PTGER3: variants seen among roughly 807,000 people sequenced by gnomAD.
PTGER3 encodes prostaglandin E receptor 3.
A neutral mutation model predicts 34.7 loss-of-function variants in PTGER3; 22 were observed. The ratio of observed to expected loss-of-function variants is 0.63; its 90% CI spans 0.45 to 0.91. The LOEUF is 0.91. Among genes scored for constraint, PTGER3 ranks in the 40% least tolerant of loss-of-function variants. The pLI is 0.00. For synonymous variants in PTGER3, 241 were observed against 230.1 expected, an observed-to-expected ratio of 1.05 and a Z score of -0.43; for missense variants, 468 against 519.4, an observed-to-expected ratio of 0.90 and a Z score of 0.96.
chr1:70,990,343 C>T (rs979296012), intron 2 of PTGER3, among the ~76,000 whole-genome samples: 41 of 125,216 alleles, frequency 3.3e-4, no homozygotes, highest in African/African-American at 1.1e-3. Flanking sequence ...GGCGACAGAA[C>T]GAGACTGTCT....
chr1:70,926,676 T>C (rs1396096486), intron 4 of PTGER3, among the ~76,000 whole-genome samples: 1 of 151,936 alleles, frequency 6.6e-6, no homozygotes, highest in Non-Finnish European at 1.5e-5. Context: ...CTTTATTTCC[T>C]TCTCCTGACT....
At chr1:71,004,593 A>T (rs1020589124) in intron 2 of PTGER3, among the ~76,000 whole-genome samples, 2 of 152,256 alleles carry the variant, frequency 1.3e-5, no homozygotes, top group African/African-American at 4.8e-5. Flanking sequence ...AATTGTCTGG[A>T]AATGTGTACT....
At chr1:70,869,219 C>T (rs925801101) in intron 4 of PTGER3, 3 of 464,384 alleles carry the variant, frequency 6.5e-6, no homozygotes, top group Admixed American at 4.8e-5. Flanking sequence ...TTTACAACAA[C>T]CAAATTTTGC....
chr1:70,886,625 C>G, intron 4 of PTGER3, among the ~76,000 whole-genome samples: 1 of 152,216 alleles, frequency 6.6e-6, no homozygotes, highest in Non-Finnish European at 1.5e-5. Flanking sequence ...TCTCTTCACT[C>G]CCACATCACT....
intron 4 of PTGER3, among the ~76,000 whole-genome samples, chr1:70,899,436 A>G (rs58659672): frequency 0.13 from 20,441 of 152,166 alleles, 2,826 homozygotes; most frequent in East Asian, 0.43. Flanking sequence ...GATCAGCCTT[A>G]GAAGAGGAGA....
At chr1:70,941,678 C>T (rs1438034846) in intron 4 of PTGER3, among the ~76,000 whole-genome samples, 1 of 152,148 alleles carries the variant, frequency 6.6e-6, no homozygotes. Flanking sequence ...GAATTTTCCT[C>T]TTCTTCCCCT....
intron 2 of PTGER3, chr1:71,009,819 A>T: frequency 1.0e-6 from 1 of 985,214 alleles, no homozygotes; most frequent in Non-Finnish European, 1.2e-6. Flanking sequence ...ATAAAATTAA[A>T]CTTAGACACG....
intron 1 of PTGER3, among the ~76,000 whole-genome samples, chr1:71,034,651 G>A (rs1659674251): frequency 6.6e-6 from 1 of 152,202 alleles, no homozygotes; most frequent in African/African-American, 2.4e-5. Context: ...GCTAGTATTA[G>A]CACCGAAGGG....
At chr1:70,900,821 A>T (rs1362457391) in intron 4 of PTGER3, among the ~76,000 whole-genome samples, 1 of 152,166 alleles carries the variant, frequency 6.6e-6, no homozygotes, top group African/African-American at 2.4e-5. Flanking sequence ...TAATGCATGA[A>T]CCAATTTATC....
At chr1:70,873,708 C>T (rs1646214179) in intron 4 of PTGER3, among the ~76,000 whole-genome samples, 2 of 149,218 alleles carry the variant, frequency 1.3e-5, no homozygotes, top group African/African-American at 5.0e-5. Context: ...AGTGCAATGG[C>T]ACTATCTCGG....
At chr1:70,856,440 C>CAAAAA (rs34715178) in intron 4 of PTGER3, among the ~76,000 whole-genome samples, 2 of 82,936 alleles carry the variant, frequency 2.4e-5, no homozygotes, top group Non-Finnish European at 4.5e-5. Context: ...AACTTCATCT[C>CAAAAA]AAAAAAAAAA....
chr1:70,928,224 A>G (rs1648316610), intron 4 of PTGER3, among the ~76,000 whole-genome samples: 1 of 149,838 alleles, frequency 6.7e-6, no homozygotes, highest in Admixed American at 6.7e-5. Flanking sequence ...AATGTGTGTA[A>G]GAGATATCAG....
At chr1:70,868,085 C>T (rs961889344) in intron 4 of PTGER3, among the ~76,000 whole-genome samples, 3 of 152,070 alleles carry the variant, frequency 2.0e-5, no homozygotes, top group African/African-American at 7.2e-5. Flanking sequence ...CTTAGATATA[C>T]CATGCTGTTG....
intron 4 of PTGER3, among the ~76,000 whole-genome samples, chr1:70,904,699 T>G (rs143843014): frequency 8.5e-4 from 129 of 152,290 alleles, no homozygotes; most frequent in African/African-American, 2.6e-3. Flanking sequence ...GCATTCAAGA[T>G]GTGACTTGGG....
rs768864640 is a variant in PTGER3 at position 70,974,401 on chromosome 1, A to G, written c.1078-13T>C. On this transcript the variant is annotated splice_polypyrimidine_tract_variant and intron_variant, in intron 2 of 3. Coordinates refer to ENST00000306666, the MANE Select transcript of PTGER3 (RefSeq NM_198719.2). Reference sequence around the variant, plus strand: ...TGTGGTACCTGATCTGTGAACAGACAGAGGATTTCACAGGACACTTCCTTG... The same window carrying G: ...TGTGGTACCTGATCTGTGAACAGACGGAGGATTTCACAGGACACTTCCTTG... The G allele has an allele frequency of 5.9e-5, 54 of 921,370 alleles. No homozygotes were observed. Among genetic ancestry groups the G allele is most frequent in the Non-Finnish European group, 9.3e-5 (51 of 547,824 alleles). The allele number at this position is 921,370 out of a possible 1,614,324, so 57.1% of individuals were successfully genotyped here.
At chr1:70,889,303 T>C (rs1646564231) in intron 4 of PTGER3, among the ~76,000 whole-genome samples, 1 of 150,936 alleles carries the variant, frequency 6.6e-6, no homozygotes, top group South Asian at 2.1e-4. Context: ...TAGTCCCAGC[T>C]ACTCGGGAGG....
chr1:70,883,936 C>T (rs1263994175), intron 4 of PTGER3: 11 of 241,372 alleles, frequency 4.6e-5, no homozygotes, highest in Non-Finnish European at 9.2e-5. Context: ...GTGGCGCATG[C>T]CTGCAATTCC....
chr1:70,996,845 G>A (rs1656023522), intron 2 of PTGER3, among the ~76,000 whole-genome samples: 1 of 151,952 alleles, frequency 6.6e-6, no homozygotes, highest in Non-Finnish European at 1.5e-5. Flanking sequence ...TGTGTTTTTA[G>A]TAGAGACGGG....
intron 4 of PTGER3, among the ~76,000 whole-genome samples, chr1:70,914,005 AG>A (rs1377313422): frequency 6.6e-6 from 1 of 151,852 alleles, no homozygotes; most frequent in Non-Finnish European, 1.5e-5. Context: ...TTATAGAATG[AG>A]TTGGAAAGTA....
Sources: allele counts gnomAD v4.1 joint callset (sites outside exome capture counted in the v4.1 genomes callset), GRCh38; gene constraint gnomAD v4.1.1; transcripts MANE v1.5; gene names NCBI Gene and HGNC (gene_info 2026-07-23, HGNC 2026-07-21).